The following ENTREP2 variants were observed in gnomAD, a reference collection of about 807,000 sequenced individuals.
ENTREP2 encodes the protein endosomal transmembrane epsin interactor 2.
chr15:29,555,897 G>A, the ENTREP2 span, among the ~76,000 whole-genome samples: 1 of 152,122 alleles, frequency 6.6e-6, no homozygotes, highest in African/African-American at 2.4e-5. Flanking sequence ...CCACACCCCT[G>A]TCAAAGCTCC....
chr15:29,546,174 C>T, the ENTREP2 span, among the ~76,000 whole-genome samples: 2 of 152,118 alleles, frequency 1.3e-5, no homozygotes, highest in East Asian at 3.8e-4. Flanking sequence ...TGAAATGGTA[C>T]CAAAATTGAC....
chr15:29,138,757 T>C, the ENTREP2 span, among the ~76,000 whole-genome samples: 3 of 151,730 alleles, frequency 2.0e-5, no homozygotes, highest in Admixed American at 2.0e-4. Context: ...AGAATCACCC[T>C]ACACAAGCAA....
the ENTREP2 span, among the ~76,000 whole-genome samples, chr15:29,655,757 G>T: frequency 6.6e-6 from 1 of 152,176 alleles, no homozygotes; most frequent in Non-Finnish European, 1.5e-5. Context: ...CGGGCACAGT[G>T]GCCCACACCT....
the ENTREP2 span, among the ~76,000 whole-genome samples, chr15:29,349,981 A>T: frequency 6.6e-6 from 1 of 152,186 alleles, no homozygotes; most frequent in Non-Finnish European, 1.5e-5. Context: ...GCAGGTACTG[A>T]AAACCATCTT....
At chr15:29,159,091 C>A in the ENTREP2 span, among the ~76,000 whole-genome samples, 1 of 152,302 alleles carries the variant, frequency 6.6e-6, no homozygotes, top group East Asian at 1.9e-4. Flanking sequence ...TCACTGACTT[C>A]AAGAACGAAG....
At chr15:29,610,271 G>C in the ENTREP2 span, 1 of 150,630 alleles carries the variant, frequency 6.6e-6, no homozygotes, top group Non-Finnish European at 1.5e-5. Context: ...GCAGAGCACA[G>C]GGAGAACAGC....
At chr15:29,531,595 T>C in the ENTREP2 span, among the ~76,000 whole-genome samples, 1 of 152,360 alleles carries the variant, frequency 6.6e-6, no homozygotes, top group East Asian at 1.9e-4. Flanking sequence ...ATAAAAATTG[T>C]ACATATTTAT....
At chr15:29,245,558 G>A in the ENTREP2 span, among the ~76,000 whole-genome samples, 1 of 151,366 alleles carries the variant, frequency 6.6e-6, no homozygotes, top group Non-Finnish European at 1.5e-5. Flanking sequence ...AAAAATATAT[G>A]TTTGCAACCA....
the ENTREP2 span, among the ~76,000 whole-genome samples, chr15:29,285,593 T>C: frequency 6.6e-6 from 1 of 152,152 alleles, no homozygotes; most frequent in Admixed American, 6.5e-5. Context: ...CCCAGAAAAC[T>C]TCAGGCCAAG....
the ENTREP2 span, among the ~76,000 whole-genome samples, chr15:29,609,012 A>G: frequency 0.23 from 32,225 of 138,490 alleles, 4,674 homozygotes; most frequent in Middle Eastern, 0.31. Flanking sequence ...CAGGTCTATC[A>G]TGCCTCACCC....
the ENTREP2 span, among the ~76,000 whole-genome samples, chr15:29,298,752 G>A: frequency 1.3e-5 from 2 of 152,300 alleles, no homozygotes; most frequent in Non-Finnish European, 1.5e-5. Flanking sequence ...CCTACAGCCA[G>A]ATGACTTCAA....
the ENTREP2 span, among the ~76,000 whole-genome samples, chr15:29,550,540 T>C: frequency 1.3e-5 from 2 of 152,252 alleles, no homozygotes; most frequent in Non-Finnish European, 2.9e-5. Flanking sequence ...AAAATCCTCA[T>C]GTTTTCCATG....
chr15:29,123,489 C>A, the ENTREP2 span: 1 of 1,551,690 alleles, frequency 6.4e-7, no homozygotes, highest in Non-Finnish European at 8.7e-7. Flanking sequence ...CCACCAAAAC[C>A]CTGGCATCCG....
chr15:29,200,819 C>A, the ENTREP2 span, among the ~76,000 whole-genome samples: 1 of 152,144 alleles, frequency 6.6e-6, no homozygotes, highest in Non-Finnish European at 1.5e-5. Context: ...GCCTTGGCCT[C>A]CTGAAGTGCT....
the ENTREP2 span, among the ~76,000 whole-genome samples, chr15:29,654,374 G>A: frequency 6.6e-6 from 1 of 152,126 alleles, no homozygotes. Context: ...ATGTTTGTGC[G>A]GTTGGAGAAT....
the ENTREP2 span, among the ~76,000 whole-genome samples, chr15:29,565,540 T>C: frequency 6.6e-6 from 1 of 152,220 alleles, no homozygotes; most frequent in Non-Finnish European, 1.5e-5. Flanking sequence ...CCATTAAAGA[T>C]AATGTGTTAA....
the ENTREP2 span, among the ~76,000 whole-genome samples, chr15:29,580,090 G>A: frequency 6.6e-6 from 1 of 151,886 alleles, no homozygotes; most frequent in Admixed American, 6.6e-5. Flanking sequence ...CAGGCAGTCG[G>A]CCCATCTCAG....
chr15:29,672,048 G>A, the ENTREP2 span, among the ~76,000 whole-genome samples: 2 of 152,140 alleles, frequency 1.3e-5, no homozygotes, highest in Admixed American at 1.3e-4. Flanking sequence ...GTGCAGTGGC[G>A]CCATCTTGGC....
chr15:29,620,573 G>C, the ENTREP2 span, among the ~76,000 whole-genome samples: 1 of 152,042 alleles, frequency 6.6e-6, no homozygotes, highest in Non-Finnish European at 1.5e-5. Context: ...AGGAGTTCCA[G>C]GCTCCGATGA....
Sources: gnomAD v4.1 joint callset for allele counts (sites outside exome capture counted in the v4.1 genomes callset) on GRCh38, gnomAD v4.1.1 for gene constraint, MANE v1.5 for transcripts, NCBI Gene and HGNC (gene_info 2026-07-23, HGNC 2026-07-21) for gene names.